Variants in CMTM8 observed in about 807,000 individuals in gnomAD.
CMTM8 encodes the protein CKLF-like MARVEL transmembrane domain-containing protein 8.
In CMTM8, 12 loss-of-function variants were observed where a neutral mutation model predicts 18.6. That is an observed-to-expected ratio of 0.65 (90% CI 0.41 to 1.05). The LOEUF is 1.05. Among genes scored for constraint, CMTM8 ranks in the 50% least tolerant of loss-of-function variants. The pLI, the probability that CMTM8 is intolerant of heterozygous loss-of-function variation, is 0.00. For missense variants in CMTM8, 217 were observed against 227.2 expected (o/e 0.95, Z 0.29); for synonymous variants, 87 against 90.6 (o/e 0.96, Z 0.23).
chr3:32,314,120 A>G (rs1192626984), intron 1 of CMTM8, among the ~76,000 whole-genome samples: 2 of 152,222 alleles, frequency 1.3e-5, no homozygotes, highest in Non-Finnish European at 2.9e-5. Flanking sequence ...TTTGGAGGCT[A>G]GTACAGCTGC....
chr3:32,357,985 G>A (rs1696850291), intron 2 of CMTM8, among the ~76,000 whole-genome samples: 1 of 152,304 alleles, frequency 6.6e-6, no homozygotes, highest in Admixed American at 6.5e-5. Flanking sequence ...AGCACATTGT[G>A]TATGGAGTTA....
intron 1 of CMTM8, among the ~76,000 whole-genome samples, chr3:32,339,010 C>G (rs151015116): frequency 3.9e-4 from 59 of 152,304 alleles, no homozygotes; most frequent in African/African-American, 1.3e-3. Flanking sequence ...CCATGTTGAC[C>G]TCCCTGCAAG....
At chr3:32,260,613 A>G (rs932139922) in intron 1 of CMTM8, among the ~76,000 whole-genome samples, 8 of 150,548 alleles carry the variant, frequency 5.3e-5, no homozygotes, top group African/African-American at 1.9e-4. Flanking sequence ...CTGTAGTTCT[A>G]GATTACATGT....
chr3:32,255,279 T>C (rs566110640), intron 1 of CMTM8, among the ~76,000 whole-genome samples: 3 of 152,366 alleles, frequency 2.0e-5, no homozygotes, highest in African/African-American at 7.2e-5. Context: ...ATATATTTCA[T>C]GCTGTTAAGA....
At chr3:32,307,734 T>C (rs139821385) in intron 1 of CMTM8, among the ~76,000 whole-genome samples, 2 of 152,106 alleles carry the variant, frequency 1.3e-5, no homozygotes, top group East Asian at 3.9e-4. Flanking sequence ...ACCTGGAAGG[T>C]TGTTAAATCG....
At chr3:32,289,182 T>C (rs1702737762) in intron 1 of CMTM8, among the ~76,000 whole-genome samples, 1 of 152,142 alleles carries the variant, frequency 6.6e-6, no homozygotes, top group Non-Finnish European at 1.5e-5. Flanking sequence ...CATAAAGAAG[T>C]GAAAGCCCCA....
intron 1 of CMTM8, among the ~76,000 whole-genome samples, chr3:32,308,474 C>T (rs1337731063): frequency 6.6e-6 from 1 of 152,180 alleles, no homozygotes; most frequent in Non-Finnish European, 1.5e-5. Flanking sequence ...TTCTCCAGAA[C>T]TTAGCTACTT....
At chr3:32,280,846 CAAAAAAAAAAAAAA>C (rs60845487) in intron 1 of CMTM8, among the ~76,000 whole-genome samples, 1 of 68,172 alleles carries the variant, frequency 1.5e-5, no homozygotes, top group Admixed American at 1.8e-4. Flanking sequence ...AGAAAATAGG[CAAAAAAAAAAAAAA>C]AAAAAAAAAA....
chr3:32,294,871 A>C (rs576327353), intron 1 of CMTM8, among the ~76,000 whole-genome samples: 22 of 152,060 alleles, frequency 1.4e-4, no homozygotes, highest in South Asian at 1.0e-3. Context: ...CCAGGCCAAC[A>C]TGGTGAAACC....
At chr3:32,298,955 A>T (rs189143700) in intron 1 of CMTM8, among the ~76,000 whole-genome samples, 6,194 of 128,896 alleles carry the variant, frequency 0.048, 224 homozygotes, top group Admixed American at 0.11. Context: ...ATATATATAT[A>T]TTTTTTTTTT....
In CMTM8 at chr3:32,357,491, T is replaced by C. The variant is rs563106064; in HGVS notation, c.266T>C (p.Ile89Thr). The C allele has an allele frequency of 3.1e-6, 5 of 1,613,964 alleles. No individual in the cohort carries two copies. In the African/African-American group the frequency reaches 4.0e-5, roughly 13 times the overall value. The change falls in exon 2 of 4, where the codon ATT becomes ACT. Residue 89 changes from isoleucine to threonine, a missense_variant. Physicochemically the swap from Ile to Thr is moderately conservative, Grantham distance 89 (BLOSUM62 -1). Transcript: ENST00000307526. Reference protein sequence around the residue: ...FYWVLTVFFLIIYITMTYTRI... With the variant: ...FYWVLTVFFLTIYITMTYTRI... ...TGGGTCCTCACCGTCTTCTTCCTCA[T>C]TATCTACATAACAATGACCTACACC...
intron 1 of CMTM8, among the ~76,000 whole-genome samples, chr3:32,273,408 T>G (rs1702471880): frequency 6.6e-6 from 1 of 152,186 alleles, no homozygotes; most frequent in Admixed American, 6.6e-5. Context: ...CGCAGCATTA[T>G]TCATAATAGG....
At chr3:32,268,458 C>T (rs1244874605) in intron 1 of CMTM8, among the ~76,000 whole-genome samples, 1 of 151,874 alleles carries the variant, frequency 6.6e-6, no homozygotes, top group Non-Finnish European at 1.5e-5. Context: ...GTAGGGGGAG[C>T]AGGGAGGGAT....
At chr3:32,286,077 C>T (rs536223621) in intron 1 of CMTM8, among the ~76,000 whole-genome samples, 4 of 152,256 alleles carry the variant, frequency 2.6e-5, no homozygotes, top group South Asian at 2.1e-4. Context: ...ACTCAACTTC[C>T]GGAGGCGGCA....
At chr3:32,252,575 C>T (rs776396076) in intron 1 of CMTM8, among the ~76,000 whole-genome samples, 3 of 152,096 alleles carry the variant, frequency 2.0e-5, no homozygotes, top group Non-Finnish European at 2.9e-5. Context: ...GAATCTTAGG[C>T]ATTTCTTACT....
At position 32,369,974 on chromosome 3, in the gene CMTM8, A is replaced by AT; in HGVS notation, c.*11dup. Reference sequence around the variant, plus strand: ...ATCCAGGACCATACAGTGATTTACCATTTTGATAATTAAAAGGAAAAAAAA... The same window carrying AT: ...ATCCAGGACCATACAGTGATTTACCATTTTTGATAATTAAAAGGAAAAAAAA... On this transcript the variant is annotated 3_prime_UTR_variant, in exon 4 of 4. Transcript: ENST00000307526. 1 of 1,523,536 alleles carries AT rather than the reference A, an allele frequency of 6.6e-7. No individual in the cohort carries two copies. The allele number at this position is 1,523,536 out of a possible 1,614,324, so 94.4% of individuals were successfully genotyped here. A position where few individuals can be genotyped will look rare whatever the true frequency, so the allele number is the denominator to read the frequency against.
At chr3:32,272,178 G>A (rs1702448448) in intron 1 of CMTM8, among the ~76,000 whole-genome samples, 1 of 152,124 alleles carries the variant, frequency 6.6e-6, no homozygotes, top group African/African-American at 2.4e-5. Context: ...GGTTGTTGTC[G>A]ATGTTGGCAG....
chr3:32,357,108 G>T (rs188196979), intron 1 of CMTM8, among the ~76,000 whole-genome samples: 1 of 152,274 alleles, frequency 6.6e-6, no homozygotes, highest in South Asian at 2.1e-4. Context: ...GCCAGGCATG[G>T]TGCTGCACGC....
In CMTM8 at chr3:32,259,651, T is replaced by C. The variant is rs1375255092; in HGVS notation, c.147+20532T>C. The stretch of plus-strand genomic sequence containing the variant: ...GCTCTGGGTTGACCGTGGAGGTAGA[T>C]GCCCCCAAATCTCAGGACCTTGCCA... On this transcript the variant is annotated intron_variant, in intron 1 of 3. Coordinates refer to ENST00000307526, the MANE Select transcript of CMTM8 (RefSeq NM_178868.5). The C allele has an allele frequency of 3.7e-6, 5 of 1,349,416 alleles. No homozygotes were observed. The East Asian group carries it at 1.1e-4, about 31-fold the overall frequency. The allele number at this position is 1,349,416 out of a possible 1,614,324, so 83.6% of individuals were successfully genotyped here. A position where few individuals can be genotyped will look rare whatever the true frequency, so the allele number is the denominator to read the frequency against.
Sources: allele counts gnomAD v4.1 joint callset (sites outside exome capture counted in the v4.1 genomes callset), GRCh38; gene constraint gnomAD v4.1.1; transcripts MANE v1.5; gene names NCBI Gene and HGNC (gene_info 2026-07-23, HGNC 2026-07-21).